VGLL3: variants seen among roughly 807,000 people sequenced by gnomAD.
VGLL3 encodes the protein transcription cofactor vestigial-like protein 3.
A neutral mutation model predicts 29.2 loss-of-function variants in VGLL3; 18 were observed. The observed-to-expected ratio is 0.62, with a 90% confidence interval of 0.43 to 0.91. The LOEUF (loss-of-function observed/expected upper bound fraction) is 0.91. Ranked by LOEUF, VGLL3 falls within the 40% of genes least tolerant of loss-of-function variation. The probability of loss-of-function intolerance (pLI) is 0.00; values close to 1 mark genes in which losing one functional copy is unlikely to be tolerated. For synonymous variants in VGLL3, 180 were observed against 151.8 expected (o/e 1.19, Z -1.36); for missense variants, 440 against 413.2 (o/e 1.06, Z -0.56).
intron 3 of VGLL3, among the ~76,000 whole-genome samples, chr3:86,954,954 T>C (rs141262011): frequency 3.8e-4 from 56 of 147,124 alleles, no homozygotes; most frequent in African/African-American, 1.3e-3. Context: ...CAAGTTATAA[T>C]AGTCTCAAGA....
chr3:86,971,534 G>A (rs1236966191), intron 2 of VGLL3, among the ~76,000 whole-genome samples: 1 of 152,082 alleles, frequency 6.6e-6, no homozygotes, highest in Non-Finnish European at 1.5e-5. Context: ...AACAACCTCA[G>A]GAAACTTTTA....
At chr3:86,954,110 C>T (rs1378119923) in intron 3 of VGLL3, among the ~76,000 whole-genome samples, 2 of 152,180 alleles carry the variant, frequency 1.3e-5, no homozygotes, top group South Asian at 2.1e-4. Context: ...TTAGAATTCA[C>T]TTAAAATCTC....
chr3:86,962,217 G>T, intron 3 of VGLL3: 1 of 985,364 alleles, frequency 1.0e-6, no homozygotes, highest in Non-Finnish European at 1.2e-6. Flanking sequence ...ATACCATACT[G>T]ATCATTTCAA....
chr3:86,971,117 TA>T (rs1175270027), intron 2 of VGLL3, among the ~76,000 whole-genome samples: 1 of 152,214 alleles, frequency 6.6e-6, no homozygotes, highest in African/African-American at 2.4e-5. Flanking sequence ...GAGGATATCT[TA>T]AGAAGTATTT....
intron 3 of VGLL3, among the ~76,000 whole-genome samples, chr3:86,963,284 C>A (rs932774616): frequency 2.0e-5 from 3 of 152,212 alleles, no homozygotes; most frequent in Non-Finnish European, 4.4e-5. Flanking sequence ...ATGATAGATG[C>A]TACAACACGC....
chr3:86,951,272 T>G (rs1056726987), intron 3 of VGLL3, among the ~76,000 whole-genome samples: 1 of 152,174 alleles, frequency 6.6e-6, no homozygotes, highest in Non-Finnish European at 1.5e-5. Flanking sequence ...ATAAACTAGA[T>G]AGCTTATCAA....
chr3:86,973,361 C>T (rs1205768464), intron 2 of VGLL3, among the ~76,000 whole-genome samples: 1 of 152,146 alleles, frequency 6.6e-6, no homozygotes, highest in Non-Finnish European at 1.5e-5. Flanking sequence ...AAACAAAATT[C>T]TACTCAATTC....
At chr3:86,947,662 C>T (rs571778607) in intron 3 of VGLL3, among the ~76,000 whole-genome samples, 4 of 152,064 alleles carry the variant, frequency 2.6e-5, no homozygotes, top group African/African-American at 9.7e-5. Context: ...TATTAATTTA[C>T]TTATTTTATC....
chr3:86,983,433 C>T (rs1486474008), intron 1 of VGLL3, among the ~76,000 whole-genome samples: 1 of 152,136 alleles, frequency 6.6e-6, no homozygotes, highest in African/African-American at 2.4e-5. Context: ...CACTCATTGC[C>T]CAGGCTGGAG....
intron 1 of VGLL3, among the ~76,000 whole-genome samples, chr3:86,985,249 C>T (rs1460193657): frequency 6.6e-6 from 1 of 152,100 alleles, no homozygotes; most frequent in African/African-American, 2.4e-5. Context: ...CATTGAAGAA[C>T]AATTTATTTT....
chr3:86,950,413 C>T (rs984640362), intron 3 of VGLL3, among the ~76,000 whole-genome samples: 24 of 152,056 alleles, frequency 1.6e-4, no homozygotes, highest in Non-Finnish European at 3.1e-4. Context: ...AGAGAATTTA[C>T]GCAATCATTG....
chr3:86,981,182 T>C (rs969278384), intron 1 of VGLL3, among the ~76,000 whole-genome samples: 4 of 152,132 alleles, frequency 2.6e-5, no homozygotes, highest in African/African-American at 4.8e-5. Context: ...AGTATTCTTA[T>C]CAATAGTAGC....
At chr3:86,955,752 G>A (rs1436023450) in intron 3 of VGLL3, among the ~76,000 whole-genome samples, 1 of 152,042 alleles carries the variant, frequency 6.6e-6, no homozygotes, top group Non-Finnish European at 1.5e-5. Context: ...AAAAGAGACT[G>A]TCCAATTCAA....
At chr3:86,974,830 G>T (rs1705175475) in intron 2 of VGLL3, among the ~76,000 whole-genome samples, 1 of 152,090 alleles carries the variant, frequency 6.6e-6, no homozygotes, top group Admixed American at 6.5e-5. Flanking sequence ...ATTATCATTA[G>T]CCTTTAGTAT....
intron 3 of VGLL3, among the ~76,000 whole-genome samples, chr3:86,964,309 C>T (rs774107380): frequency 2.2e-4 from 34 of 152,146 alleles, no homozygotes; most frequent in Non-Finnish European, 4.3e-4. Context: ...ATATTTTTAT[C>T]TGTTTCTTTA....
rs1233385262 is a variant in VGLL3, at chr3:86,956,808, A to G, written c.938-9741T>C. Among the ~76,000 whole-genome samples, 9 of 151,878 alleles carry G rather than the reference A, an allele frequency of 5.9e-5. No individual in the cohort carries two copies. The East Asian group carries it at 7.7e-4, about 13-fold the overall frequency. ...CCACCGTCCCAAAAAAAAAAAAAAA[A>G]AAAAAGAAAGAAAATACTTAAGATA... On this transcript the variant is annotated intron_variant, in intron 3 of 3. Coordinates refer to ENST00000398399, the MANE Select transcript of VGLL3 (RefSeq NM_016206.4).
chr3:86,962,302 C>T (rs1704866297), intron 3 of VGLL3: 2 of 985,320 alleles, frequency 2.0e-6, no homozygotes, highest in East Asian at 1.1e-4. Flanking sequence ...CAAAGCAACA[C>T]CAAGACAGAG....
At chr3:86,979,855 G>A (rs375079301) in intron 1 of VGLL3, among the ~76,000 whole-genome samples, 2 of 152,064 alleles carry the variant, frequency 1.3e-5, no homozygotes, top group Admixed American at 6.5e-5. Flanking sequence ...GGTGGGGAAA[G>A]GCAGGGAGGG....
intron 2 of VGLL3, among the ~76,000 whole-genome samples, chr3:86,970,551 AAG>A (rs778740119): frequency 9.2e-5 from 14 of 151,650 alleles, no homozygotes; most frequent in Middle Eastern, 3.4e-3. Flanking sequence ...GAAAGACAAA[AAG>A]AGTTCCATAG....
Sources: allele counts gnomAD v4.1 joint callset (sites outside exome capture counted in the v4.1 genomes callset), GRCh38; gene constraint gnomAD v4.1.1; transcripts MANE v1.5; gene names NCBI Gene and HGNC (gene_info 2026-07-23, HGNC 2026-07-21).